Variants in NR6A1 observed in about 807,000 individuals in gnomAD.
NR6A1 encodes retinoic acid receptor-related testis-associated receptor.
Under a neutral mutation model 59.1 loss-of-function variants are expected in NR6A1, and 7 were observed. The observed-to-expected ratio is 0.12, with a 90% confidence interval of 0.07 to 0.22. The LOEUF (loss-of-function observed/expected upper bound fraction) is 0.22. Among genes scored for constraint, NR6A1 ranks in the 10% least tolerant of loss-of-function variants. The probability of loss-of-function intolerance (pLI) is 1.00; values close to 1 mark genes in which losing one functional copy is unlikely to be tolerated. For missense variants in NR6A1, 468 were observed against 611.6 expected (o/e 0.77, Z 2.48); for synonymous variants, 243 against 236.1 (o/e 1.03, Z -0.27).
intron 1 of NR6A1, among the ~76,000 whole-genome samples, chr9:124,746,811 T>C (rs1249414097): frequency 1.3e-5 from 2 of 152,166 alleles, no homozygotes; most frequent in Non-Finnish European, 2.9e-5. Context: ...TACCTAGTGT[T>C]TTCCATGTAT....
chr9:124,544,361 C>CG (rs1564172452), intron 3 of NR6A1, among the ~76,000 whole-genome samples: 1 of 151,894 alleles, frequency 6.6e-6, no homozygotes, highest in African/African-American at 2.4e-5. Context: ...CCTGTGTAGT[C>CG]GAAGGAACTT....
chr9:124,522,862 G>A (rs1000739132), intron 9 of NR6A1, 69 bp from the exon 10 acceptor site: 22 of 1,270,720 alleles, frequency 1.7e-5, no homozygotes, highest in Non-Finnish European at 5.5e-6. Context: ...CAGCCTCCTT[G>A]GGCTGGTGGA....
intron 3 of NR6A1, 94 bp from the exon 4 acceptor site, chr9:124,543,951 C>T (rs1351277449): frequency 2.1e-6 from 2 of 975,086 alleles, no homozygotes; most frequent in Non-Finnish European, 1.6e-6. Context: ...AAGCATAAGA[C>T]AGTAATTAGT....
At chr9:124,707,468 T>C (rs775929974) in intron 2 of NR6A1, among the ~76,000 whole-genome samples, 1 of 152,170 alleles carries the variant, frequency 6.6e-6, no homozygotes, top group Non-Finnish European at 1.5e-5. Flanking sequence ...TGAAGTCTTA[T>C]GTGTGCTAGA....
intron 2 of NR6A1, among the ~76,000 whole-genome samples, chr9:124,612,065 G>C (rs1329708425): frequency 2.0e-5 from 3 of 152,134 alleles, no homozygotes; most frequent in Non-Finnish European, 4.4e-5. Context: ...TATCTGGAAG[G>C]GTTTCCCAGA....
chr9:124,715,255 G>A (rs1228346753), intron 2 of NR6A1, among the ~76,000 whole-genome samples: 1 of 152,012 alleles, frequency 6.6e-6, no homozygotes, highest in Admixed American at 6.6e-5. Context: ...GGGTATGGTG[G>A]CTCACACCTG....
chr9:124,643,633 C>T (rs1588736245), intron 2 of NR6A1, among the ~76,000 whole-genome samples: 1 of 146,516 alleles, frequency 6.8e-6, no homozygotes, highest in Admixed American at 6.8e-5. Context: ...TGTGGTGGTA[C>T]ACATCTGTTA....
At chr9:124,597,335 C>T (rs563073168) in intron 2 of NR6A1, among the ~76,000 whole-genome samples, 2 of 136,962 alleles carry the variant, frequency 1.5e-5, no homozygotes, top group African/African-American at 5.4e-5. Context: ...GTGGATTTAA[C>T]GTAGTTCTTA....
At chr9:124,726,053 A>C (rs1839708033) in intron 2 of NR6A1, among the ~76,000 whole-genome samples, 1 of 152,234 alleles carries the variant, frequency 6.6e-6, no homozygotes, top group African/African-American at 2.4e-5. Context: ...TACCAATCAC[A>C]GGGCAAAATT....
In NR6A1 at chr9:124,576,357, G is replaced by A. The variant is rs376390661; in HGVS notation, c.143-21787C>T. Among the ~76,000 whole-genome samples the A allele has an allele frequency of 1.2e-3, 178 of 152,076 alleles. 2 individuals are homozygous for A. The highest frequency in any genetic ancestry group is 3.8e-3 in the African/African-American group (157 of 41,486). On this transcript the variant is annotated intron_variant, in intron 2 of 9. Transcript: ENST00000487099. ...GGCTGGAGCACAGTGGCACAATCTC[G>A]GCTCACTGCAACTTCCACCTCCCGG...
intron 2 of NR6A1, among the ~76,000 whole-genome samples, chr9:124,689,050 T>G (rs1401882199): frequency 1.3e-5 from 2 of 152,212 alleles, no homozygotes; most frequent in East Asian, 3.8e-4. Context: ...AACACATATA[T>G]GTACACATAC....
intron 2 of NR6A1, among the ~76,000 whole-genome samples, chr9:124,692,907 C>T (rs915806693): frequency 6.6e-6 from 1 of 152,168 alleles, no homozygotes; most frequent in African/African-American, 2.4e-5. Flanking sequence ...ATTTCTCCCA[C>T]ATCCTCTCAA....
At position 124,535,960 on chromosome 9, in the gene NR6A1, G is replaced by A; in HGVS notation, c.997C>T (p.Leu333Phe). Reference sequence around the variant, plus strand: ...AAGATCTGCTTGCTGTAAACGGTGAGGGAAGACAGCAGGATTAGCTCCTGC... The same window carrying A: ...AAGATCTGCTTGCTGTAAACGGTGAAGGAAGACAGCAGGATTAGCTCCTGC... ...TWQELILLSS[L>F]TVYSKQIFGE... Residue 333 changes from leucine (L) to phenylalanine (F), a missense_variant, in exon 7 of 10, where the codon CTC becomes TTC. Around this residue, in one of 4 missense-constraint regions of NR6A1, gnomAD observed 176 missense variants for 264.0 expected, o/e 0.67. Transcript: ENST00000487099. The A allele has an allele frequency of 1.9e-6, 3 of 1,614,228 alleles. No homozygotes were observed. Among genetic ancestry groups the A allele is most frequent in the Non-Finnish European group, 8.5e-7 (1 of 1,180,034 alleles).
At chr9:124,690,269 T>C (rs1838490284) in intron 2 of NR6A1, among the ~76,000 whole-genome samples, 1 of 152,202 alleles carries the variant, frequency 6.6e-6, no homozygotes, top group Admixed American at 6.5e-5. Flanking sequence ...CCAGATACAT[T>C]GTTTTATTGA....
At chr9:124,599,575 C>CTG in intron 2 of NR6A1, 1 of 1,063,654 alleles carries the variant, frequency 9.4e-7, no homozygotes, top group South Asian at 1.5e-5. Flanking sequence ...CCGTGGCAGC[C>CTG]GCCATGAGGG....
At chr9:124,700,973 C>G (rs4836987) in intron 2 of NR6A1, among the ~76,000 whole-genome samples, 3 of 151,728 alleles carry the variant, frequency 2.0e-5, no homozygotes, top group African/African-American at 4.8e-5. Flanking sequence ...GTTGGCCAGG[C>G]GGGTCTCAAA....
At chr9:124,556,880 T>C (rs1041913463) in intron 2 of NR6A1, among the ~76,000 whole-genome samples, 46 of 149,628 alleles carry the variant, frequency 3.1e-4, no homozygotes, top group East Asian at 1.6e-3. Context: ...TTTTTTTTTT[T>C]CGCAAACAGG....
intron 2 of NR6A1, among the ~76,000 whole-genome samples, chr9:124,636,290 TC>T (rs1836609753): frequency 1.3e-5 from 2 of 152,220 alleles, no homozygotes; most frequent in South Asian, 4.1e-4. Context: ...TTTTAAAGGT[TC>T]TTTAGACATT....
intron 2 of NR6A1, among the ~76,000 whole-genome samples, chr9:124,703,966 CTTCTT>C (rs1453091070): frequency 6.6e-6 from 1 of 152,150 alleles, no homozygotes; most frequent in Non-Finnish European, 1.5e-5. Flanking sequence ...ACCCAGCATG[CTTCTT>C]TTAAGTGTTT....
Sources: gnomAD v4.1 joint callset for allele counts (sites outside exome capture counted in the v4.1 genomes callset) on GRCh38, gnomAD v4.1.1 for gene constraint, gnomAD v4.1.1 regional missense constraint, MANE v1.5 for transcripts, NCBI Gene and HGNC (gene_info 2026-07-23, HGNC 2026-07-21) for gene names.